Variants in MAP7 observed in about 807,000 individuals in gnomAD.
The protein encoded by MAP7 is ensconsin.
In MAP7, 52 loss-of-function variants were observed where a neutral mutation model predicts 94.8. That is an observed-to-expected ratio of 0.55 (90% CI 0.44 to 0.69). The LOEUF (loss-of-function observed/expected upper bound fraction) is 0.69, where lower values mean the gene tolerates loss of function less well. Among genes scored for constraint, MAP7 ranks in the 30% least tolerant of loss-of-function variants. The pLI, the probability that MAP7 is intolerant of heterozygous loss-of-function variation, is 0.00. For missense variants in MAP7, 940 were observed against 964.6 expected (o/e 0.97, Z 0.34); for synonymous variants, 350 against 357.0 (o/e 0.98, Z 0.22).
intron 1 of MAP7, among the ~76,000 whole-genome samples, chr6:136,516,869 T>C (rs1261213963): frequency 6.6e-6 from 1 of 151,614 alleles, no homozygotes; most frequent in Non-Finnish European, 1.5e-5. Context: ...TCTCAACCAC[T>C]GGCAGAAACC....
intron 1 of MAP7, among the ~76,000 whole-genome samples, chr6:136,507,489 A>G (rs1278431141): frequency 6.6e-6 from 1 of 151,756 alleles, no homozygotes; most frequent in African/African-American, 2.4e-5. Context: ...AAAAAAAAAA[A>G]AAAGAAAAAA....
intron 3 of MAP7, among the ~76,000 whole-genome samples, chr6:136,398,583 T>C (rs899084683): frequency 6.6e-6 from 1 of 152,192 alleles, no homozygotes; most frequent in African/African-American, 2.4e-5. Flanking sequence ...ATTGTTTTTG[T>C]GGTAGTGAAT....
At chr6:136,475,994 T>C (rs1562443625) in intron 1 of MAP7, 1 of 152,252 alleles carries the variant, frequency 6.6e-6, no homozygotes, top group Non-Finnish European at 1.5e-5. Context: ...AATTGTATCT[T>C]GTACTCTTTC....
chr6:136,505,466 C>T (rs1821252832), intron 1 of MAP7, among the ~76,000 whole-genome samples: 1 of 151,312 alleles, frequency 6.6e-6, no homozygotes, highest in African/African-American at 2.4e-5. Context: ...CTGTTTGCCT[C>T]ACAATGCTAT....
Position 136,362,373 on chromosome 6 carries a change from TCC to T in MAP7, c.1526+75_1526+76del, listed in dbSNP as rs1396855689. The stretch of plus-strand genomic sequence containing the variant: ...ATTCACTTTCATCAGTATTATCACC[TCC>T]TCCCTCTCAGAGGGGTGATGAGTTA... On this transcript the variant is annotated intron_variant, in intron 11 of 17. Coordinates refer to ENST00000354570, the MANE Select transcript of MAP7 (RefSeq NM_003980.6). 3.9e-6 allele frequency: 6 copies of T among 1,543,146 alleles called. No homozygotes were observed. In the East Asian group the frequency reaches 9.0e-5, roughly 23 times the overall value.
intron 12 of MAP7, 81 bp from the exon 13 acceptor site, chr6:136,360,879 C>T: frequency 1.3e-6 from 2 of 1,563,788 alleles, no homozygotes; most frequent in Non-Finnish European, 1.7e-6. Context: ...GAGGTGGGGG[C>T]GAGGTGGCGG....
chr6:136,511,641 C>T (rs1000155173), intron 1 of MAP7, among the ~76,000 whole-genome samples: 1 of 152,174 alleles, frequency 6.6e-6, no homozygotes, highest in East Asian at 1.9e-4. Context: ...AGCAGCAGCT[C>T]CAGTTCACTT....
At chr6:136,414,197 G>A (rs1157590355) in intron 2 of MAP7, among the ~76,000 whole-genome samples, 1 of 128,204 alleles carries the variant, frequency 7.8e-6, no homozygotes, top group African/African-American at 2.8e-5. Context: ...AGCTTGCAGT[G>A]AGCCGAGATC....
intron 1 of MAP7, among the ~76,000 whole-genome samples, chr6:136,443,544 G>A (rs546509474): frequency 1.5e-4 from 22 of 148,200 alleles, no homozygotes; most frequent in South Asian, 4.3e-4. Context: ...CTCCACTCCC[G>A]GATTCAAGCG....
intron 1 of MAP7, among the ~76,000 whole-genome samples, chr6:136,470,585 C>T (rs1395544783): frequency 1.3e-5 from 2 of 152,082 alleles, no homozygotes; most frequent in Non-Finnish European, 1.5e-5. Flanking sequence ...GTCATCCTGC[C>T]TGAGATTTTG....
In MAP7 at chr6:136,550,336, G is replaced by T; in HGVS notation, c.67+6C>A. The stretch of plus-strand genomic sequence containing the variant: ...GGGACCCCCACTATCCCCGCTGTGC[G>T]GTCACCTGTTTCGCTTCGCACTGCG... On this transcript the variant is annotated splice_donor_region_variant and intron_variant, in intron 1 of 17. Transcript: ENST00000354570. The surrounding 1 kb of genome is among the most constrained non-coding windows in gnomAD (Gnocchi z 5.1). The T allele has an allele frequency of 6.6e-7, 1 of 1,516,928 alleles. No individual in the cohort carries two copies. 94.0% of individuals were successfully genotyped at this position (1,516,928 alleles called of 1,614,324 possible).
intron 2 of MAP7, among the ~76,000 whole-genome samples, chr6:136,414,900 T>C (rs1488282445): frequency 1.3e-5 from 2 of 151,608 alleles, no homozygotes; most frequent in African/African-American, 4.9e-5. Flanking sequence ...CTGCAACCTC[T>C]GCCTCCTGGG....
At chr6:136,387,114 A>G (rs1229014173) in intron 5 of MAP7, among the ~76,000 whole-genome samples, 1 of 152,204 alleles carries the variant, frequency 6.6e-6, no homozygotes, top group Non-Finnish European at 1.5e-5. Context: ...ACCTGATCCT[A>G]GATTTTTAAT....
At chr6:136,394,955 T>TATATATATATATATATATATATATAC (rs1781970157) in intron 3 of MAP7, among the ~76,000 whole-genome samples, 4 of 125,230 alleles carry the variant, frequency 3.2e-5, no homozygotes, top group African/African-American at 1.1e-4. Context: ...TATATATATA[T>TATATATATATATATATATATATATAC]ATATATATAT....
At chr6:136,394,962 A>ATATATATATATATATG (rs1781983243) in intron 3 of MAP7, among the ~76,000 whole-genome samples, 1 of 122,940 alleles carries the variant, frequency 8.1e-6, no homozygotes. Flanking sequence ...ATATATATAT[A>ATATATATATATATATG]TATATATATC....
chr6:136,493,963 G>A (rs1362569018), intron 1 of MAP7, among the ~76,000 whole-genome samples: 1 of 152,114 alleles, frequency 6.6e-6, no homozygotes, highest in Non-Finnish European at 1.5e-5. Flanking sequence ...ACAACCTACC[G>A]ACCTCTCAGG....
At chr6:136,450,561 G>A (rs769628711) in intron 1 of MAP7, among the ~76,000 whole-genome samples, 22 of 152,108 alleles carry the variant, frequency 1.4e-4, no homozygotes, top group Non-Finnish European at 3.1e-4. Flanking sequence ...AGGGCGGGCT[G>A]ATCACCTGAG....
intron 1 of MAP7, among the ~76,000 whole-genome samples, chr6:136,480,458 C>T (rs969423247): frequency 4.0e-5 from 6 of 151,628 alleles, no homozygotes; most frequent in Non-Finnish European, 8.8e-5. Context: ...CTGGCTAACA[C>T]GGTGAAACCC....
chr6:136,411,898 T>C (rs1787597398), intron 2 of MAP7, among the ~76,000 whole-genome samples: 1 of 152,232 alleles, frequency 6.6e-6, no homozygotes, highest in Non-Finnish European at 1.5e-5. Context: ...AGCATTTTTC[T>C]TCTATTTGAA....
Sources: allele counts gnomAD v4.1 joint callset (sites outside exome capture counted in the v4.1 genomes callset), GRCh38; gene constraint gnomAD v4.1.1; non-coding constraint Gnocchi (gnomAD v3.1); transcripts MANE v1.5; gene names NCBI Gene and HGNC (gene_info 2026-07-23, HGNC 2026-07-21).